The following PDIA6 variants were observed in gnomAD, a reference collection of about 807,000 sequenced individuals.
PDIA6 encodes protein disulfide-isomerase A6.
Under a neutral mutation model 58.4 loss-of-function variants are expected in PDIA6, and 29 were observed. The ratio of observed to expected loss-of-function variants is 0.50; its 90% confidence interval spans 0.37 to 0.68. The LOEUF is 0.68. Ranked by LOEUF, PDIA6 falls within the 30% of genes least tolerant of loss-of-function variation. The pLI is 0.00. For synonymous variants in PDIA6, 192 were observed against 202.6 expected, an observed-to-expected ratio of 0.95 and a Z score of 0.44; for missense variants, 480 against 551.0, an observed-to-expected ratio of 0.87 and a Z score of 1.29.
intron 1 of PDIA6, among the ~76,000 whole-genome samples, chr2:10,809,232 CAT>C (rs1326549258): frequency 6.6e-6 from 1 of 152,188 alleles, no homozygotes; most frequent in Non-Finnish European, 1.5e-5. Flanking sequence ...TTTAAAATTA[CAT>C]ATATGTTTGC....
At chr2:10,793,265 G>A (rs548273151) in intron 4 of PDIA6, 63 bp from the exon 5 acceptor site, 6 of 1,080,554 alleles carry the variant, frequency 5.6e-6, no homozygotes, top group South Asian at 1.3e-5. Context: ...CATCTGGCCC[G>A]GCCCAAGACT....
chr2:10,794,796 G>GC (rs543889325), intron 4 of PDIA6, among the ~76,000 whole-genome samples: 4 of 151,926 alleles, frequency 2.6e-5, no homozygotes, highest in Non-Finnish European at 5.9e-5. Flanking sequence ...GTGTAGTGGT[G>GC]CATGTCTGTA....
intron 1 of PDIA6, among the ~76,000 whole-genome samples, chr2:10,805,131 A>C (rs1163066546): frequency 3.1e-4 from 46 of 150,296 alleles, no homozygotes; most frequent in East Asian, 1.2e-3. Flanking sequence ...CAACCTACAA[A>C]ATGGGAGAAA....
At chr2:10,812,845 C>T (rs150779000), upstream of PDIA6, 9 of 1,166,492 alleles carry the variant, frequency 7.7e-6, no homozygotes, top group Non-Finnish European at 9.5e-6. Context: ...GGAAGGCGCT[C>T]GCCAAGCCGT....
At chr2:10,803,071 C>G (rs545232813) in intron 1 of PDIA6, among the ~76,000 whole-genome samples, 2 of 152,326 alleles carry the variant, frequency 1.3e-5, no homozygotes, top group East Asian at 3.9e-4. Context: ...ATTATTAGCA[C>G]ATTATCTTTA....
intron 2 of PDIA6, among the ~76,000 whole-genome samples, chr2:10,799,102 T>G (rs150873459): frequency 2.5e-4 from 38 of 152,320 alleles, no homozygotes; most frequent in Admixed American, 3.9e-4. Flanking sequence ...CAGGTACTAT[T>G]ATTGGGAAAT....
chr2:10,783,566 TAAC>T lies in PDIA6; in HGVS notation c.*689_*691del, dbSNP rs1289224660. 1.0e-5 allele frequency: 3 copies of T among 290,152 alleles called. No homozygotes were observed. The highest frequency in any genetic ancestry group is 2.0e-5 in the Non-Finnish European group (3 of 151,094). The allele number at this position is 290,152 out of a possible 1,614,324, so 18.0% of individuals were successfully genotyped here. ...TCTTAACGGCTATTTTGAGGTTCAT[TAAC>T]AACATAGAAAGCCTTGAACTGTATA... On this transcript the variant is annotated 3_prime_UTR_variant, in exon 13 of 13. Transcript: ENST00000272227.
At chr2:10,814,897 T>C (rs1355799794), upstream of PDIA6, among the ~76,000 whole-genome samples, 2 of 152,222 alleles carry the variant, frequency 1.3e-5, no homozygotes, top group Non-Finnish European at 2.9e-5. Flanking sequence ...ACACTGCCAG[T>C]GCCCTTTGTG....
chr2:10,810,169 ACCCTATGTGGTATGTGTCATGGTGCC>A, intron 1 of PDIA6: 1 of 766,714 alleles, frequency 1.3e-6, no homozygotes, highest in Non-Finnish European at 2.2e-6. Context: ...TCATTTAAGA[ACCCTATGTGGTATGTGTCATGGTGCC>A]CATTATTTCA....
chr2:10,821,877 G>C (rs762425320), intron 1 of PDIA6, among the ~76,000 whole-genome samples: 8 of 152,084 alleles, frequency 5.3e-5, no homozygotes, highest in Admixed American at 1.3e-4. Flanking sequence ...TCCCGCCTCA[G>C]CCTCTCAAAG....
intron 1 of PDIA6, among the ~76,000 whole-genome samples, chr2:10,823,775 C>A (rs186445688): frequency 1.7e-3 from 255 of 152,098 alleles, no homozygotes; most frequent in African/African-American, 5.9e-3. Flanking sequence ...CACCTCCAGT[C>A]ATAGGGAGTG....
At chr2:10,785,879 A>AT (rs753169739) in intron 11 of PDIA6, among the ~76,000 whole-genome samples, 3 of 152,214 alleles carry the variant, frequency 2.0e-5, no homozygotes, top group Non-Finnish European at 2.9e-5. Flanking sequence ...CACCTGGCCT[A>AT]TTTTTTGTAT....
intron 8 of PDIA6, 145 bp from the exon 9 acceptor site, chr2:10,789,126 G>C (rs762871009): frequency 1.5e-6 from 1 of 656,808 alleles, no homozygotes; most frequent in Non-Finnish European, 2.8e-6. Flanking sequence ...ACACCTGGAG[G>C]CATGTTCTCT....
intron 1 of PDIA6, chr2:10,832,189 G>GCATCCCA (rs1667729363): frequency 6.5e-6 from 1 of 153,278 alleles, no homozygotes; most frequent in Non-Finnish European, 1.4e-5. Flanking sequence ...CCCAACCCCA[G>GCATCCCA]GCACATACTC....
intron 11 of PDIA6, among the ~76,000 whole-genome samples, chr2:10,785,765 G>C (rs1256070696): frequency 6.6e-6 from 1 of 152,154 alleles, no homozygotes; most frequent in East Asian, 1.9e-4. Flanking sequence ...ACACTCTTTT[G>C]CCCAGGCTGG....
At chr2:10,791,055 C>A (rs1446916711) in intron 6 of PDIA6, among the ~76,000 whole-genome samples, 1 of 152,206 alleles carries the variant, frequency 6.6e-6, no homozygotes, top group African/African-American at 2.4e-5. Context: ...CCATGTTGCC[C>A]AGGCTGGTCT....
In PDIA6 at chr2:10,797,022, T is replaced by C. The variant is rs6740992; in HGVS notation, c.346+59A>G. The C allele has an allele frequency of 3.1e-5, 47 of 1,501,402 alleles. No homozygotes were observed. In the African/African-American group the frequency reaches 5.4e-4, roughly 17 times the overall value. The allele number at this position is 1,501,402 out of a possible 1,614,324, so 93.0% of individuals were successfully genotyped here. On this transcript the variant is annotated intron_variant, in intron 4 of 12. Transcript: ENST00000272227. ...CAGGTAGAGCAGGTTCTCAAGCTTGTTAAAGAACAGTAGGTTCTTGTCTAC... is the reference window on the plus strand; with the variant it reads ...CAGGTAGAGCAGGTTCTCAAGCTTGCTAAAGAACAGTAGGTTCTTGTCTAC...
intron 5 of PDIA6, among the ~76,000 whole-genome samples, chr2:10,792,633 A>T (rs1666084175): frequency 6.6e-6 from 1 of 152,220 alleles, no homozygotes; most frequent in African/African-American, 2.4e-5. Flanking sequence ...AAGGGCATCT[A>T]AAACACCAAT....
rs1305499797 is a variant in PDIA6, at chr2:10,784,183, G to C, written c.*75C>G. 1.8e-6 allele frequency: 2 copies of C among 1,117,650 alleles called. No homozygotes were observed. The highest frequency in any genetic ancestry group is 2.4e-5 in the East Asian group (1 of 42,100). The allele number at this position is 1,117,650 out of a possible 1,614,324, so 69.2% of individuals were successfully genotyped here. A position where few individuals can be genotyped will look rare whatever the true frequency, so the allele number is the denominator to read the frequency against. ...ACTGGTAGAGTCATCTGAGTGTAGA[G>C]AATGTCCCTTCACTGCTGGAAAAAT... is the stretch of plus-strand genomic sequence containing the variant. On this transcript the variant is annotated 3_prime_UTR_variant, in exon 13 of 13. Transcript: ENST00000272227.
Sources: allele counts gnomAD v4.1 joint callset (sites outside exome capture counted in the v4.1 genomes callset), GRCh38; gene constraint gnomAD v4.1.1; transcripts MANE v1.5; gene names NCBI Gene and HGNC (gene_info 2026-07-23, HGNC 2026-07-21).